The following TECTA variants were observed in gnomAD, a reference collection of about 807,000 sequenced individuals.
The protein encoded by TECTA is alpha-tectorin.
TECTA carries 128 observed loss-of-function variants against 216.8 expected under a neutral mutation model. The observed-to-expected ratio is 0.59, with a 90% CI of 0.51 to 0.68. TECTA has a LOEUF of 0.68. Ranked by LOEUF, TECTA falls within the 30% of genes least tolerant of loss-of-function variation. TECTA has a pLI of 0.00. For synonymous variants in TECTA, 1,089 were observed against 1,117.1 expected (o/e 0.97, Z 0.50); for missense variants, 2,551 against 2,786.2 (o/e 0.92, Z 1.90).
chr11:121,180,417 T>A (rs1485039725), intron 20 of TECTA, among the ~76,000 whole-genome samples: 2 of 152,244 alleles, frequency 1.3e-5, no homozygotes, highest in Non-Finnish European at 2.9e-5. Context: ...AGGTTTTTTT[T>A]ATTTCAGCAC....
chr11:121,170,036 A>G (rs1164757647), intron 20 of TECTA, among the ~76,000 whole-genome samples: 1 of 152,154 alleles, frequency 6.6e-6, no homozygotes, highest in Non-Finnish European at 1.5e-5. Context: ...TCTGGTAACT[A>G]TCAGTCTACT....
chr11:121,177,185 A>G (rs1947176090), intron 20 of TECTA, among the ~76,000 whole-genome samples: 1 of 152,256 alleles, frequency 6.6e-6, no homozygotes, highest in South Asian at 2.1e-4. Flanking sequence ...CGTCAAAGTC[A>G]TTCTCTGTCC....
chr11:121,167,584 A>G (rs1172452098), intron 18 of TECTA, among the ~76,000 whole-genome samples: 1 of 152,182 alleles, frequency 6.6e-6, no homozygotes, highest in Non-Finnish European at 1.5e-5. Context: ...TCATGGCTCT[A>G]TTCCTTAAAA....
chr11:121,170,897 G>C (rs1328357787), intron 20 of TECTA, among the ~76,000 whole-genome samples: 1 of 152,068 alleles, frequency 6.6e-6, no homozygotes, highest in East Asian at 1.9e-4. Flanking sequence ...TCATTTTGTT[G>C]ATTGATATCT....
intron 9 of TECTA, among the ~76,000 whole-genome samples, chr11:121,129,377 A>G (rs569787960): frequency 5.9e-5 from 9 of 152,314 alleles, no homozygotes; most frequent in African/African-American, 1.7e-4. Context: ...TTTTGCTCAC[A>G]CTTTAGTTTC....
chr11:121,179,725 A>G (rs1947205980), intron 20 of TECTA, among the ~76,000 whole-genome samples: 1 of 151,998 alleles, frequency 6.6e-6, no homozygotes, highest in Non-Finnish European at 1.5e-5. Flanking sequence ...ATATATTTAG[A>G]ATTGTTGTAT....
intron 2 of TECTA, among the ~76,000 whole-genome samples, chr11:121,104,610 C>G (rs1405675490): frequency 6.6e-6 from 1 of 152,170 alleles, no homozygotes; most frequent in Non-Finnish European, 1.5e-5. Flanking sequence ...CCGCTTTGCA[C>G]TCCTCTCTTT....
At chr11:121,124,410 C>G (rs1946587326) in intron 7 of TECTA, among the ~76,000 whole-genome samples, 1 of 152,212 alleles carries the variant, frequency 6.6e-6, no homozygotes, top group African/African-American at 2.4e-5. Context: ...TGCCTCTGCT[C>G]TCTTGTCCTG....
At chr11:121,187,796 AT>A (rs1347602626) in intron 20 of TECTA, 35 bp from the exon 21 acceptor site, 1 of 1,613,382 alleles carries the variant, frequency 6.2e-7, no homozygotes, top group Non-Finnish European at 8.5e-7. Flanking sequence ...AGAGGAAAAC[AT>A]GTGAAGCAAA....
chr11:121,116,622 C>T (rs549435399), intron 6 of TECTA, among the ~76,000 whole-genome samples: 8 of 152,236 alleles, frequency 5.3e-5, no homozygotes, highest in South Asian at 2.1e-4. Context: ...TATGTGCCTC[C>T]GGACATATAT....
chr11:121,150,521 A>G (rs1210218016), intron 12 of TECTA, among the ~76,000 whole-genome samples: 2 of 152,244 alleles, frequency 1.3e-5, no homozygotes, highest in African/African-American at 4.8e-5. Flanking sequence ...TTACATCTTT[A>G]CATGGCAAAG....
At chr11:121,134,693 G>C (rs1946708900) in intron 10 of TECTA, among the ~76,000 whole-genome samples, 1 of 152,040 alleles carries the variant, frequency 6.6e-6, no homozygotes, top group African/African-American at 2.4e-5. Flanking sequence ...CATGCTACAG[G>C]ATTGCCGAGT....
chr11:121,150,287 G>A lies in TECTA; in HGVS notation c.4106-2594G>A, dbSNP rs184138967. Among the ~76,000 whole-genome samples the A allele has an allele frequency of 4.8e-3, 733 of 152,280 alleles. 5 individuals are homozygous for A. Among genetic ancestry groups the A allele is most frequent in the Non-Finnish European group, 8.4e-3 (572 of 68,014 alleles). ...ATTTGTTATTCAGTAAGTAGTAAAA[G>A]GTCAAAGGGCAAACTAGCTGGGAAA... On this transcript the variant is annotated intron_variant, in intron 12 of 23. Coordinates refer to ENST00000392793, the MANE Select transcript of TECTA (RefSeq NM_005422.4).
At chr11:121,107,314 G>T (rs188528212) in intron 3 of TECTA, among the ~76,000 whole-genome samples, 1 of 152,210 alleles carries the variant, frequency 6.6e-6, no homozygotes, top group East Asian at 1.9e-4. Flanking sequence ...CCTTGCAACA[G>T]GAGGTTCCTT....
rs146808496 is a variant in TECTA, at chr11:121,112,932, G to A, written c.487-140G>A. The A allele has an allele frequency of 1.8e-3, 1,793 of 985,806 alleles. 4 individuals are homozygous for A. The highest frequency in any genetic ancestry group is 2.5e-3 in the Non-Finnish European group (1,624 of 647,128). 61.1% of individuals were successfully genotyped at this position (985,806 alleles called of 1,614,324 possible). A position where few individuals can be genotyped will look rare whatever the true frequency, so the allele number is the denominator to read the frequency against. On this transcript the variant is annotated intron_variant, in intron 4 of 23. Transcript: ENST00000392793. Reference sequence around the variant, plus strand: ...GAGGCGAGAACAAATTCAGAGAGGAGTCAGAGCTGGAGGGCCTGGCTGCAG... The same window carrying A: ...GAGGCGAGAACAAATTCAGAGAGGAATCAGAGCTGGAGGGCCTGGCTGCAG...
At chr11:121,134,855 G>A (rs1946710756) in intron 10 of TECTA, among the ~76,000 whole-genome samples, 1 of 152,010 alleles carries the variant, frequency 6.6e-6, no homozygotes, top group South Asian at 2.1e-4. Flanking sequence ...AGCAGGGCGT[G>A]ATGGTGATAT....
At position 121,118,575 on chromosome 11, in the gene TECTA, C is replaced by A; in HGVS notation, c.1060C>A (p.Gln354Lys). ...CAYLLARQCL[Q>K]TSSLPFFSVE... ...CTACTTGCTGGCCCGACAGTGTTTGCAGACTTCCAGCCTCCCTTTCTTCAG... is the reference window on the plus strand; with the variant it reads ...CTACTTGCTGGCCCGACAGTGTTTGAAGACTTCCAGCCTCCCTTTCTTCAG... The change falls in exon 7 of 24, where the codon CAG becomes AAG. Residue 354 changes from glutamine to lysine, a missense_variant. By Grantham distance (53) the Gln-to-Lys change is moderately conservative. This residue lies in a region of TECTA where 2,375 missense variants were observed against 2,563.9 expected (regional missense o/e 0.93). Transcript: ENST00000392793. The A allele has an allele frequency of 6.2e-7, 1 of 1,614,208 alleles. No homozygotes were observed. Among genetic ancestry groups the A allele is most frequent in the Non-Finnish European group, 8.5e-7 (1 of 1,180,050 alleles).
At position 121,105,221 on chromosome 11, in the gene TECTA, A is replaced by C. The variant is rs925159043; in HGVS notation, c.65-610A>C. Among the ~76,000 whole-genome samples the C allele has an allele frequency of 1.3e-5, 2 of 152,190 alleles. No homozygotes were observed. The highest frequency in any genetic ancestry group is 1.3e-4 in the Admixed American group (2 of 15,278). On this transcript the variant is annotated intron_variant, in intron 2 of 23. Transcript: ENST00000392793. This position sits in a 1 kb window ranked among gnomAD's most constrained non-coding sequence, Gnocchi z 5.3. Reference sequence around the variant, plus strand: ...GGACCCAACCCTCTGACCCCGGAGGATCTCATGTCTGTCTTTTGTAAAAAA... The same window carrying C: ...GGACCCAACCCTCTGACCCCGGAGGCTCTCATGTCTGTCTTTTGTAAAAAA...
At chr11:121,188,115 C>A in intron 21 of TECTA, 121 bp downstream of exon 21, 1 of 1,048,630 alleles carries the variant, frequency 9.5e-7, no homozygotes, top group Non-Finnish European at 1.4e-6. Flanking sequence ...TTGGGGTGGA[C>A]AGTCATCTTT....
Sources: gnomAD v4.1 joint callset for allele counts (sites outside exome capture counted in the v4.1 genomes callset) on GRCh38, gnomAD v4.1.1 for gene constraint, gnomAD v4.1.1 regional missense constraint, Gnocchi (gnomAD v3.1) non-coding constraint, MANE v1.5 for transcripts, NCBI Gene and HGNC (gene_info 2026-07-23, HGNC 2026-07-21) for gene names.